ABCC11: variants seen among roughly 807,000 people sequenced by gnomAD.
ABCC11 encodes the protein ATP binding cassette subfamily C member 11.
Under a neutral mutation model 149.3 loss-of-function variants are expected in ABCC11, and 135 were observed. That is an observed-to-expected ratio of 0.90 (90% CI 0.79 to 1.04). The LOEUF is 1.04. Among genes scored for constraint, ABCC11 ranks in the 50% least tolerant of loss-of-function variants. The pLI is 0.00. For missense variants in ABCC11, 1,680 were observed against 1,722.1 expected (o/e 0.98, Z 0.43); for synonymous variants, 665 against 671.4 (o/e 0.99, Z 0.15).
At chr16:48,236,351 C>T (rs1970687288) in intron 1 of ABCC11, among the ~76,000 whole-genome samples, 1 of 152,206 alleles carries the variant, frequency 6.6e-6, no homozygotes, top group Non-Finnish European at 1.5e-5. Flanking sequence ...TCAAATGCCA[C>T]CTCCTCAGAG....
chr16:48,176,836 G>A (rs1181468675), intron 25 of ABCC11, 88 bp downstream of exon 25: 5 of 1,415,094 alleles, frequency 3.5e-6, no homozygotes, highest in Non-Finnish European at 4.7e-6. Flanking sequence ...TTTGGGGGAT[G>A]ACTGAGCAAA....
intron 1 of ABCC11, chr16:48,232,154 A>AGGTTTC: frequency 8.5e-7 from 1 of 1,179,280 alleles, no homozygotes; most frequent in Non-Finnish European, 1.1e-6. Context: ...CACTTAGTGA[A>AGGTTTC]ACCTTCTCTA....
intron 1 of ABCC11, among the ~76,000 whole-genome samples, chr16:48,237,197 G>T (rs201690407): frequency 6.6e-6 from 1 of 152,142 alleles, no homozygotes; most frequent in Non-Finnish European, 1.5e-5. Context: ...AAAGGTAAGC[G>T]CTTGGGAATC....
rs781226331 is a variant in ABCC11, at chr16:48,184,482, G to T, written c.3216C>A (p.Thr1072=). Residue 1072 remains threonine, a synonymous_variant, in exon 23 of 30, where the codon ACC becomes ACA. Coordinates refer to ENST00000356608, the MANE Select transcript of ABCC11 (RefSeq NM_001370497.1). ...ALFVAFGISS[T]PYSFKVMAVN... ...CAGCCATGACTTTAAAGGAGTAGGG[G>T]GTGGAGGAAATGCCAAAAGCCACGA... 14 of 1,614,182 alleles carry T rather than the reference G, an allele frequency of 8.7e-6. No individual in the cohort carries two copies. The highest frequency in any genetic ancestry group is 1.2e-5 in the Non-Finnish European group (14 of 1,180,024).
intron 25 of ABCC11, among the ~76,000 whole-genome samples, chr16:48,176,353 T>C (rs1966071319): frequency 6.6e-6 from 1 of 151,790 alleles, no homozygotes; most frequent in Non-Finnish European, 1.5e-5. Flanking sequence ...GAGGGGGACT[T>C]GGGCCAGATC....
Position 48,222,664 on chromosome 16 carries a change from A to G in ABCC11, c.711T>C (p.Ala237=). Residue 237 remains alanine, a synonymous_variant, in exon 6 of 30, where the codon GCT becomes GCC. Coordinates refer to ENST00000356608, the MANE Select transcript of ABCC11 (RefSeq NM_001370497.1). ...NQRTAIRFRA[A]VSSFAFEKLI... The stretch of plus-strand genomic sequence containing the variant: ...GCTTCTCAAAGGCAAAGGAGGAAAC[A>G]GCTGCTCGGAACCTGATGGCTGTGC... 5.0e-6 allele frequency: 8 copies of G among 1,614,240 alleles called. No individual in the cohort carries two copies. The highest frequency in any genetic ancestry group is 5.9e-6 in the Non-Finnish European group (7 of 1,180,050).
intron 18 of ABCC11, among the ~76,000 whole-genome samples, chr16:48,195,605 T>G (rs78023842): frequency 0.013 from 2,027 of 152,356 alleles, 57 homozygotes; most frequent in African/African-American, 0.046. Context: ...GTTTACAACA[T>G]TGTACAGTAA....
At chr16:48,246,400 C>G (rs1971388399) in intron 1 of ABCC11, among the ~76,000 whole-genome samples, 1 of 152,206 alleles carries the variant, frequency 6.6e-6, no homozygotes, top group African/African-American at 2.4e-5. Flanking sequence ...ACACTTAGTT[C>G]CCTGTCTAGG....
In ABCC11 at chr16:48,214,938, G is replaced by A. The variant is rs745428485; in HGVS notation, c.1191C>T (p.Ala397=). ...TGTGGATGAGAACCCAGACCGCTGT[G>A]GCCACTGTGGGGATGATGAACAAGG... ...SITLFIIPTV[A]TAVWVLIHTS... Residue 397 remains alanine (A), a synonymous_variant, in exon 9 of 30, where the codon GCC becomes GCT. Coordinates refer to ENST00000356608, the MANE Select transcript of ABCC11 (RefSeq NM_001370497.1). 1.9e-6 allele frequency: 3 copies of A among 1,614,102 alleles called. No individual in the cohort carries two copies. The highest frequency in any genetic ancestry group is 2.5e-6 in the Non-Finnish European group (3 of 1,180,012).
intron 23 of ABCC11, among the ~76,000 whole-genome samples, chr16:48,179,007 C>G (rs946851810): frequency 2.6e-5 from 4 of 152,174 alleles, no homozygotes; most frequent in Admixed American, 6.5e-5. Flanking sequence ...ATCCCAGAAA[C>G]CCAGGAGACT....
At chr16:48,227,432 C>A (rs1275193440) in intron 4 of ABCC11, among the ~76,000 whole-genome samples, 1 of 150,310 alleles carries the variant, frequency 6.7e-6, no homozygotes, top group Non-Finnish European at 1.5e-5. Context: ...CGAGATTGCA[C>A]CACGCTGCAC....
At position 48,231,951 on chromosome 16, in the gene ABCC11, A is replaced by G. The variant is rs1170863408; in HGVS notation, c.-18-12T>C. 3 of 1,613,530 alleles carry G rather than the reference A, an allele frequency of 1.9e-6. No individual in the cohort carries two copies. Among genetic ancestry groups the G allele is most frequent in the Non-Finnish European group, 2.5e-6 (3 of 1,179,694 alleles). On this transcript the variant is annotated splice_polypyrimidine_tract_variant and intron_variant, in intron 1 of 29. Coordinates refer to ENST00000356608, the MANE Select transcript of ABCC11 (RefSeq NM_001370497.1). ...AGTTCCTGCCAATTCTTCGTTTCCC[A>G]GAATCAGAGAATATGAAAAGACAGC...
At chr16:48,192,104 C>G (rs207475894) in intron 20 of ABCC11, among the ~76,000 whole-genome samples, 2 of 151,826 alleles carry the variant, frequency 1.3e-5, no homozygotes, top group South Asian at 4.2e-4. Flanking sequence ...GCAAACAGAG[C>G]AAGACCCCAT....
At chr16:48,222,155 C>T (rs748081540) in intron 6 of ABCC11, among the ~76,000 whole-genome samples, 9 of 151,856 alleles carry the variant, frequency 5.9e-5, no homozygotes, top group Non-Finnish European at 7.4e-5. Context: ...TCTCAAACTC[C>T]TGGATTCAAG....
At chr16:48,221,056 AG>A (rs886897084) in intron 6 of ABCC11, among the ~76,000 whole-genome samples, 2 of 152,128 alleles carry the variant, frequency 1.3e-5, no homozygotes, top group Non-Finnish European at 2.9e-5. Flanking sequence ...AAGGGCTGGG[AG>A]TGGGAGTGAC....
rs1462252646 is a variant in ABCC11, at chr16:48,210,779, T to C, written c.1608+169A>G. ...TGATAGATTAATTCACATTAAAAAATGAACGATATCCTGTGTTTGCCCTCC... is the reference window on the plus strand; with the variant it reads ...TGATAGATTAATTCACATTAAAAAACGAACGATATCCTGTGTTTGCCCTCC... On this transcript the variant is annotated intron_variant, in intron 11 of 29. Coordinates refer to ENST00000356608, the MANE Select transcript of ABCC11 (RefSeq NM_001370497.1). 1.4e-5 allele frequency: 14 copies of C among 983,550 alleles called. No homozygotes were observed. The East Asian group carries it at 3.7e-4, about 26-fold the overall frequency. 60.9% of individuals were successfully genotyped at this position (983,550 alleles called of 1,614,324 possible).
intron 2 of ABCC11, 97 bp downstream of exon 2, chr16:48,231,726 T>A: frequency 1.3e-5 from 19 of 1,428,726 alleles, no homozygotes; most frequent in East Asian, 7.7e-5. Flanking sequence ...CAAGGGTAAA[T>A]AAGTATGGGA....
intron 1 of ABCC11, among the ~76,000 whole-genome samples, chr16:48,245,598 G>T (rs1330895004): frequency 6.6e-6 from 1 of 152,112 alleles, no homozygotes; most frequent in Non-Finnish European, 1.5e-5. Context: ...CTATGTTTTA[G>T]CCCCTCCGTC....
intron 3 of ABCC11, among the ~76,000 whole-genome samples, chr16:48,228,601 G>GA (rs111350474): frequency 0.13 from 18,451 of 144,994 alleles, 1,459 homozygotes; most frequent in African/African-American, 0.24. Context: ...CGTCTCAAAA[G>GA]AAAAAAAAAA....
Sources: gnomAD v4.1 joint callset for allele counts (sites outside exome capture counted in the v4.1 genomes callset) on GRCh38, gnomAD v4.1.1 for gene constraint, MANE v1.5 for transcripts, NCBI Gene and HGNC (gene_info 2026-07-23, HGNC 2026-07-21) for gene names.